The following PCNX1 variants were observed in gnomAD, a reference collection of about 807,000 sequenced individuals.
PCNX1 encodes pecanex 1.
In PCNX1, 78 loss-of-function variants were observed where a neutral mutation model predicts 242.2. The observed-to-expected ratio is 0.32, with a 90% CI of 0.27 to 0.39. The LOEUF (loss-of-function observed/expected upper bound fraction) is 0.39, where lower values mean the gene tolerates loss of function less well. Ranked by LOEUF, PCNX1 falls within the 10% of genes least tolerant of loss-of-function variation. PCNX1 has a pLI of 1.00. For missense variants in PCNX1, 2,581 were observed against 2,856.5 expected (o/e 0.90, Z 2.20); for synonymous variants, 1,024 against 1,032.9 (o/e 0.99, Z 0.17).
chr14:71,032,422 C>T (rs2060413317), intron 16 of PCNX1, among the ~76,000 whole-genome samples: 1 of 152,084 alleles, frequency 6.6e-6, no homozygotes, highest in Non-Finnish European at 1.5e-5. Flanking sequence ...GTTTTCTCAT[C>T]TATAAATTGG....
At chr14:70,931,819 A>G (rs2056810845) in intron 1 of PCNX1, among the ~76,000 whole-genome samples, 1 of 152,210 alleles carries the variant, frequency 6.6e-6, no homozygotes, top group African/African-American at 2.4e-5. Flanking sequence ...ACAAAGAGAA[A>G]CAGGGATTTA....
intron 10 of PCNX1, 165 bp from the exon 11 acceptor site, chr14:71,012,818 CAA>C (rs10557318): frequency 0.016 from 7,126 of 442,764 alleles, no homozygotes; most frequent in South Asian, 0.022. Context: ...GACTCTGTCT[CAA>C]AAAAAAAAAA....
At chr14:70,908,105 G>C in intron 1 of PCNX1, 102 bp downstream of exon 1, 4 of 1,146,326 alleles carry the variant, frequency 3.5e-6, no homozygotes, top group Non-Finnish European at 4.7e-6. Context: ...CGTCCCCCGG[G>C]GGCCGCCACC....
chr14:70,958,314 C>T (rs1566621688), intron 2 of PCNX1, among the ~76,000 whole-genome samples: 2 of 152,114 alleles, frequency 1.3e-5, no homozygotes, highest in Non-Finnish European at 2.9e-5. Flanking sequence ...CAAACAGGGA[C>T]ATTATAATTA....
At chr14:71,073,103 A>G (rs1317371691) in intron 26 of PCNX1, among the ~76,000 whole-genome samples, 3 of 152,174 alleles carry the variant, frequency 2.0e-5, no homozygotes, top group Admixed American at 1.3e-4. Flanking sequence ...GGAGTTCAAG[A>G]CCAACATGGT....
chr14:70,912,921 G>C (rs992879427), intron 1 of PCNX1, among the ~76,000 whole-genome samples: 37 of 152,114 alleles, frequency 2.4e-4, no homozygotes, highest in Admixed American at 2.4e-3. Context: ...TCTTTGCAAG[G>C]CTGGCTGCTA....
At chr14:70,984,921 C>T (rs1333499580) in intron 6 of PCNX1, among the ~76,000 whole-genome samples, 7 of 152,078 alleles carry the variant, frequency 4.6e-5, no homozygotes, top group African/African-American at 1.7e-4. Flanking sequence ...AATAGTTGCA[C>T]TAAAATAATT....
At chr14:70,973,682 A>G (rs928879088) in intron 5 of PCNX1, among the ~76,000 whole-genome samples, 2 of 152,100 alleles carry the variant, frequency 1.3e-5, no homozygotes, top group African/African-American at 4.8e-5. Flanking sequence ...ATGTTTGTAT[A>G]ATTGATTATT....
At position 71,073,486 on chromosome 14, in the gene PCNX1, A is replaced by T. The variant is rs1024914947; in HGVS notation, c.4853-59A>T. On this transcript the variant is annotated intron_variant, in intron 26 of 35. Transcript: ENST00000304743. The stretch of plus-strand genomic sequence containing the variant: ...TTTTCTAAATCTTATGTGTCCTTGC[A>T]TTCATTTTTCCCACTTTCTGGTTTT... 5 of 1,494,600 alleles carry T rather than the reference A, an allele frequency of 3.3e-6. No individual in the cohort carries two copies. In the African/African-American group the frequency reaches 5.6e-5, roughly 17 times the overall value. 92.6% of individuals were successfully genotyped at this position (1,494,600 alleles called of 1,614,324 possible). A position where few individuals can be genotyped will look rare whatever the true frequency, so the allele number is the denominator to read the frequency against.
intron 32 of PCNX1, among the ~76,000 whole-genome samples, chr14:71,104,484 C>G (rs1416415685): frequency 6.6e-6 from 1 of 152,044 alleles, no homozygotes; most frequent in African/African-American, 2.4e-5. Flanking sequence ...CCCAATTGTC[C>G]TCGTTTGCTT....
At chr14:71,061,311 A>C (rs2061320134) in intron 26 of PCNX1, among the ~76,000 whole-genome samples, 1 of 152,170 alleles carries the variant, frequency 6.6e-6, no homozygotes, top group African/African-American at 2.4e-5. Context: ...GTCTTGAATG[A>C]CCCAGCTTTT....
intron 6 of PCNX1, among the ~76,000 whole-genome samples, chr14:70,983,227 C>T (rs975241893): frequency 2.0e-5 from 3 of 152,170 alleles, no homozygotes; most frequent in African/African-American, 7.2e-5. Context: ...AATACTTAAG[C>T]TATATTTGTT....
intron 28 of PCNX1, among the ~76,000 whole-genome samples, chr14:71,084,857 G>A (rs1286105848): frequency 2.0e-5 from 3 of 152,194 alleles, no homozygotes; most frequent in Non-Finnish European, 4.4e-5. Context: ...GGAGTGAACA[G>A]TTCTGTCTCG....
chr14:71,013,812 G>T (rs558108157), intron 11 of PCNX1, among the ~76,000 whole-genome samples: 1 of 152,326 alleles, frequency 6.6e-6, no homozygotes, highest in Admixed American at 6.5e-5. Context: ...TTTCTAGGCT[G>T]CAAGACAGGG....
At chr14:70,967,247 G>A (rs2058407466) in intron 3 of PCNX1, among the ~76,000 whole-genome samples, 1 of 152,186 alleles carries the variant, frequency 6.6e-6, no homozygotes, top group African/African-American at 2.4e-5. Flanking sequence ...TATATTTTGA[G>A]TGATTTCTTG....
chr14:71,067,453 T>C (rs2061476599), intron 26 of PCNX1, among the ~76,000 whole-genome samples: 1 of 152,184 alleles, frequency 6.6e-6, no homozygotes, highest in Admixed American at 6.5e-5. Flanking sequence ...GTGGGATCGG[T>C]GGTGATATCT....
chr14:71,027,691 A>G (rs566147432), intron 15 of PCNX1, among the ~76,000 whole-genome samples: 4 of 152,028 alleles, frequency 2.6e-5, no homozygotes, highest in African/African-American at 9.6e-5. Context: ...TGTCAATATT[A>G]TGGCTTTCAT....
intron 30 of PCNX1, among the ~76,000 whole-genome samples, chr14:71,097,889 C>T (rs1198044878): frequency 1.3e-5 from 2 of 152,148 alleles, no homozygotes; most frequent in African/African-American, 2.4e-5. Flanking sequence ...CCTAGATTTT[C>T]TTCTAGGATT....
intron 28 of PCNX1, among the ~76,000 whole-genome samples, chr14:71,085,292 A>G (rs929322095): frequency 3.9e-5 from 6 of 152,334 alleles, no homozygotes; most frequent in Admixed American, 3.3e-4. Flanking sequence ...ATGTTCGGCC[A>G]TCTTGCCAGC....
Sources: allele counts gnomAD v4.1 joint callset (sites outside exome capture counted in the v4.1 genomes callset), GRCh38; gene constraint gnomAD v4.1.1; transcripts MANE v1.5; gene names NCBI Gene and HGNC (gene_info 2026-07-23, HGNC 2026-07-21).